DLGAP2: variants seen among roughly 807,000 people sequenced by gnomAD.
DLGAP2 encodes the protein disks large-associated protein 2.
A neutral mutation model predicts 100.3 loss-of-function variants in DLGAP2; 26 were observed. The observed-to-expected ratio is 0.26, with a 90% confidence interval of 0.19 to 0.36. The LOEUF (loss-of-function observed/expected upper bound fraction) is 0.36. DLGAP2 is among the 10% of genes least tolerant of loss of function. DLGAP2 has a pLI of 1.00. For missense variants in DLGAP2, 1,858 were observed against 1,453.2 expected (o/e 1.28, Z -4.53); for synonymous variants, 886 against 630.1 (o/e 1.41, Z -6.08).
intron 3 of DLGAP2, among the ~76,000 whole-genome samples, chr8:1,455,684 T>C (rs1256194761): frequency 6.6e-6 from 1 of 152,140 alleles, no homozygotes; most frequent in Non-Finnish European, 1.5e-5. Context: ...TATATATTAA[T>C]TAAGCGTCAC....
At chr8:1,243,176 A>G (rs186461109) in intron 2 of DLGAP2, among the ~76,000 whole-genome samples, 1 of 152,170 alleles carries the variant, frequency 6.6e-6, no homozygotes, top group Non-Finnish European at 1.5e-5. Context: ...TGGAGCTCAC[A>G]TTAAGTGGAC....
At chr8:1,055,804 G>A (rs879258195) in intron 2 of DLGAP2, among the ~76,000 whole-genome samples, 2 of 152,228 alleles carry the variant, frequency 1.3e-5, no homozygotes, top group African/African-American at 4.8e-5. Context: ...GCAGAGAGGG[G>A]CACCTGAGTC....
At position 1,660,411 on chromosome 8, in the gene DLGAP2, A is replaced by G. The variant is rs572918445; in HGVS notation, c.1811-7918A>G. ...CCATTCAGAATGCATGAGGGATTAT[A>G]TTATATGCATATACGCCCACTGTAA... On this transcript the variant is annotated intron_variant, in intron 8 of 14. Transcript: ENST00000637795. 2.0e-5 allele frequency among the ~76,000 whole-genome samples: 3 copies of G among 152,370 alleles called. No individual in the cohort carries two copies. In the South Asian group the frequency reaches 6.2e-4, roughly 32 times the overall value.
Position 1,181,853 on chromosome 8 carries a change from C to T in DLGAP2, c.74-76998C>T, listed in dbSNP as rs74543571. 2.1e-3 allele frequency among the ~76,000 whole-genome samples: 323 copies of T among 152,284 alleles called. 2 individuals carry two copies. The highest frequency in any genetic ancestry group is 7.2e-3 in the African/African-American group (301 of 41,570). On this transcript the variant is annotated intron_variant, in intron 2 of 14. Transcript: ENST00000637795. ...GACAGGTACCACCTTCCTCCCTGCA[C>T]GGCACCCCCTGGAGAGGACTTTGCC...
intron 2 of DLGAP2, among the ~76,000 whole-genome samples, chr8:1,182,341 G>A (rs888796471): frequency 6.6e-6 from 1 of 152,248 alleles, no homozygotes; most frequent in Non-Finnish European, 1.5e-5. Context: ...CACAACATCC[G>A]TGTGGGATGC....
In DLGAP2 at chr8:1,201,850, TGTGTACG is replaced by T. The variant is rs1563250063; in HGVS notation, c.74-56998_74-56992del. ...GTGCTTGTGTGTACACATGTGTGTA[TGTGTACG>T]GTATCTATCTGTGGTGTGTGTGTAA... is the stretch of plus-strand genomic sequence containing the variant. On this transcript the variant is annotated intron_variant, in intron 2 of 14. Transcript: ENST00000637795. 2.6e-5 allele frequency among the ~76,000 whole-genome samples: 4 copies of T among 152,048 alleles called. 1 individual carries two copies. The highest frequency in any genetic ancestry group is 4.8e-5 in the African/African-American group (2 of 41,352).
At chr8:1,346,443 A>G (rs1276809175) in intron 3 of DLGAP2, among the ~76,000 whole-genome samples, 2 of 135,578 alleles carry the variant, frequency 1.5e-5, no homozygotes, top group Non-Finnish European at 3.1e-5. Context: ...ACACATCTGC[A>G]TTGCTCTCAT....
intron 1 of DLGAP2, among the ~76,000 whole-genome samples, chr8:812,415 C>T (rs1046038396): frequency 6.6e-6 from 1 of 152,182 alleles, no homozygotes; most frequent in African/African-American, 2.4e-5. Context: ...CTTCTCCCTT[C>T]TGCCGGCCCC....
chr8:1,103,441 G>T lies in DLGAP2; in HGVS notation c.74-155410G>T, dbSNP rs959970652. ...ATGACTGGCAGGGCTTTGGTTAACG[G>T]TGATGACTGGCGGGGCCTTGGTTAA... On this transcript the variant is annotated intron_variant, in intron 2 of 14. Coordinates refer to ENST00000637795, the MANE Select transcript of DLGAP2 (RefSeq NM_001346810.2). Among the ~76,000 whole-genome samples, 11 of 150,452 alleles carry T rather than the reference G, an allele frequency of 7.3e-5. 1 individual carries two copies. The highest frequency in any genetic ancestry group is 3.2e-3 in the Middle Eastern group (1 of 316).
intron 2 of DLGAP2, among the ~76,000 whole-genome samples, chr8:1,133,884 GGTTTGT>G (rs1796348124): frequency 6.6e-6 from 1 of 151,866 alleles, no homozygotes; most frequent in Non-Finnish European, 1.5e-5. Flanking sequence ...TACAAGTGCA[GGTTTGT>G]TACATAGGTA....
intron 3 of DLGAP2, among the ~76,000 whole-genome samples, chr8:1,483,147 T>G (rs1799144354): frequency 6.6e-6 from 1 of 152,182 alleles, no homozygotes; most frequent in Admixed American, 6.5e-5. Flanking sequence ...TGCACCGAGC[T>G]GCTGCTGGGC....
rs563166409 is a variant in DLGAP2 at position 1,335,879 on chromosome 8, G to A, written c.106+76996G>A. On this transcript the variant is annotated intron_variant, in intron 3 of 14. Coordinates refer to ENST00000637795, the MANE Select transcript of DLGAP2 (RefSeq NM_001346810.2). ...AAGGGAAGCAAAGTGTGGCAGAGCC[G>A]GGGCTGCGCGTGGTGACGCGGGAGG... 3.3e-5 allele frequency among the ~76,000 whole-genome samples: 5 copies of A among 151,740 alleles called. No individual in the cohort carries two copies. The South Asian group carries it at 8.3e-4, about 25-fold the overall frequency.
chr8:1,071,883 AG>A (rs1803441324), intron 2 of DLGAP2, among the ~76,000 whole-genome samples: 1 of 152,220 alleles, frequency 6.6e-6, no homozygotes, highest in Non-Finnish European at 1.5e-5. Flanking sequence ...TGCAAGCTGC[AG>A]GAGGCTCCCT....
chr8:744,285 C>T (rs950328860), intron 1 of DLGAP2, among the ~76,000 whole-genome samples: 1 of 152,174 alleles, frequency 6.6e-6, no homozygotes, highest in African/African-American at 2.4e-5. Flanking sequence ...GTTAGGGTGA[C>T]ACCTCTCACC....
At chr8:1,212,744 C>T (rs1434504557) in intron 2 of DLGAP2, among the ~76,000 whole-genome samples, 1 of 141,910 alleles carries the variant, frequency 7.0e-6, no homozygotes, top group Non-Finnish European at 1.5e-5. Context: ...TTTGCCAAGA[C>T]CTCTCTCTCT....
rs796445872 is a variant in DLGAP2, at chr8:765,232, C to T, written c.18+27407C>T. Among the ~76,000 whole-genome samples, 89 of 152,216 alleles carry T rather than the reference C, an allele frequency of 5.8e-4. 1 individual carries two copies. Among genetic ancestry groups the T allele is most frequent in the Middle Eastern group, 3.4e-3 (1 of 294 alleles). ...AAAAGATAACTTTATTACAAAAAAA[C>T]CCTAATATGAGCTATAAGATTTTCA... is the stretch of plus-strand genomic sequence containing the variant. On this transcript the variant is annotated intron_variant, in intron 1 of 14. Coordinates refer to ENST00000637795, the MANE Select transcript of DLGAP2 (RefSeq NM_001346810.2).
intron 2 of DLGAP2, among the ~76,000 whole-genome samples, chr8:1,172,007 T>A (rs1585120213): frequency 1.3e-5 from 2 of 152,208 alleles, no homozygotes; most frequent in African/African-American, 2.4e-5. Context: ...GGCATGATTT[T>A]GCAGTGGCTG....
intron 10 of DLGAP2, among the ~76,000 whole-genome samples, chr8:1,675,581 C>G (rs1798793002): frequency 6.6e-6 from 1 of 152,232 alleles, no homozygotes; most frequent in African/African-American, 2.4e-5. Context: ...CAGCTCCTCT[C>G]TCTTGCCTCA....
At position 1,169,308 on chromosome 8, in the gene DLGAP2, G is replaced by C. The variant is rs371076823; in HGVS notation, c.74-89543G>C. Among the ~76,000 whole-genome samples, 72 of 152,284 alleles carry C rather than the reference G, an allele frequency of 4.7e-4. No individual in the cohort carries two copies. The South Asian group carries it at 0.012, about 26-fold the overall frequency. ...AGCCTTGTAATATACTTTGAAGTCAGGTAGCGTGATGCCTCCAGCTTTGTT... is the reference window on the plus strand; with the variant it reads ...AGCCTTGTAATATACTTTGAAGTCACGTAGCGTGATGCCTCCAGCTTTGTT... On this transcript the variant is annotated intron_variant, in intron 2 of 14. Coordinates refer to ENST00000637795, the MANE Select transcript of DLGAP2 (RefSeq NM_001346810.2).
Sources: allele counts gnomAD v4.1 joint callset (sites outside exome capture counted in the v4.1 genomes callset), GRCh38; gene constraint gnomAD v4.1.1; transcripts MANE v1.5; gene names NCBI Gene and HGNC (gene_info 2026-07-23, HGNC 2026-07-21).